Variants in COL25A1 observed in about 807,000 individuals in gnomAD.
COL25A1 encodes the protein collagen alpha-1(XXV) chain.
COL25A1 carries 103 observed loss-of-function variants against 128.4 expected under a neutral mutation model. The observed-to-expected ratio is 0.80, with a 90% CI of 0.68 to 0.94. The LOEUF (loss-of-function observed/expected upper bound fraction) is 0.94. Among genes scored for constraint, COL25A1 ranks in the 40% least tolerant of loss-of-function variants. The pLI, the probability that COL25A1 is intolerant of heterozygous loss-of-function variation, is 0.00. For missense variants in COL25A1, 745 were observed against 840.0 expected (o/e 0.89, Z 1.40); for synonymous variants, 279 against 277.2 (o/e 1.01, Z -0.06).
At chr4:108,967,389 A>G (rs759748757) in intron 8 of COL25A1, among the ~76,000 whole-genome samples, 4 of 152,252 alleles carry the variant, frequency 2.6e-5, no homozygotes, top group Non-Finnish European at 4.4e-5. Context: ...CTAGAAGCTG[A>G]GAAAGCCAGG....
intron 3 of COL25A1, among the ~76,000 whole-genome samples, chr4:109,140,274 T>C (rs1475541691): frequency 6.6e-6 from 1 of 152,220 alleles, no homozygotes; most frequent in African/African-American, 2.4e-5. Context: ...GCCTTTGTTC[T>C]GTTCCGCTGG....
chr4:109,160,797 ACT>A (rs776106761), intron 3 of COL25A1, among the ~76,000 whole-genome samples: 6 of 151,686 alleles, frequency 4.0e-5, no homozygotes, highest in Non-Finnish European at 8.8e-5. Flanking sequence ...ATCAGGATTC[ACT>A]CTTTTTTTAA....
chr4:109,220,095 T>C (rs551910675), intron 3 of COL25A1, among the ~76,000 whole-genome samples: 36 of 152,270 alleles, frequency 2.4e-4, no homozygotes, highest in African/African-American at 8.2e-4. Flanking sequence ...ACCAACTGCT[T>C]TGAGTTCTCA....
At chr4:109,285,710 TA>T (rs1190104084) in intron 3 of COL25A1, among the ~76,000 whole-genome samples, 1 of 152,192 alleles carries the variant, frequency 6.6e-6, no homozygotes, top group East Asian at 1.9e-4. Context: ...ACTTACTATT[TA>T]AAAATTACTC....
intron 8 of COL25A1, among the ~76,000 whole-genome samples, chr4:108,972,798 C>G (rs1235123833): frequency 2.6e-5 from 4 of 152,162 alleles, no homozygotes; most frequent in African/African-American, 9.7e-5. Context: ...CGAAGTAGTT[C>G]ATGAACTTTG....
chr4:108,950,550 G>A (rs1346157156), intron 8 of COL25A1, among the ~76,000 whole-genome samples: 1 of 152,130 alleles, frequency 6.6e-6, no homozygotes, highest in Non-Finnish European at 1.5e-5. Context: ...GAAAAACCCA[G>A]AAAATATATT....
At chr4:108,827,219 A>G in intron 32 of COL25A1, 31 bp from the exon 33 acceptor site, 1 of 1,581,244 alleles carries the variant, frequency 6.3e-7, no homozygotes, top group Non-Finnish European at 8.7e-7. Context: ...TTCAAATCAT[A>G]CACACCCACC....
chr4:109,255,575 C>G (rs1317293111), intron 3 of COL25A1, among the ~76,000 whole-genome samples: 1 of 152,158 alleles, frequency 6.6e-6, no homozygotes, highest in East Asian at 1.9e-4. Flanking sequence ...ACACCATCTC[C>G]CAAATGAGAA....
intron 3 of COL25A1, among the ~76,000 whole-genome samples, chr4:109,193,129 G>A (rs1332341607): frequency 6.6e-6 from 1 of 152,148 alleles, no homozygotes; most frequent in African/African-American, 2.4e-5. Context: ...ACAGATGTAA[G>A]CAATTTAGAA....
chr4:109,114,391 A>G (rs1767322736), intron 3 of COL25A1, among the ~76,000 whole-genome samples: 1 of 152,086 alleles, frequency 6.6e-6, no homozygotes, highest in Non-Finnish European at 1.5e-5. Flanking sequence ...GTATGAATGT[A>G]GGTGGACATT....
intron 3 of COL25A1, among the ~76,000 whole-genome samples, chr4:109,285,425 A>C (rs1723779484): frequency 6.6e-6 from 1 of 152,252 alleles, no homozygotes; most frequent in South Asian, 2.1e-4. Context: ...CCAGAATGTC[A>C]CCAAGGGAAT....
chr4:108,936,369 C>A (rs1372525628), intron 11 of COL25A1, among the ~76,000 whole-genome samples: 4 of 152,096 alleles, frequency 2.6e-5, no homozygotes, highest in Non-Finnish European at 5.9e-5. Flanking sequence ...GAGATCAAGA[C>A]CATCCTGGCC....
At chr4:109,078,177 C>T (rs1579295215) in intron 3 of COL25A1, among the ~76,000 whole-genome samples, 1 of 152,280 alleles carries the variant, frequency 6.6e-6, no homozygotes, top group East Asian at 1.9e-4. Flanking sequence ...CTCAAAACAA[C>T]ACTGGAATAA....
chr4:109,020,926 A>C (rs1334548770), intron 5 of COL25A1, among the ~76,000 whole-genome samples: 2 of 152,202 alleles, frequency 1.3e-5, no homozygotes, highest in Non-Finnish European at 2.9e-5. Flanking sequence ...ATGATGGTTC[A>C]GCTTACAACT....
chr4:108,886,486 G>GTT (rs1199944880), intron 18 of COL25A1, among the ~76,000 whole-genome samples: 6 of 79,936 alleles, frequency 7.5e-5, no homozygotes, highest in South Asian at 3.4e-4. Flanking sequence ...GTGTGTGTGT[G>GTT]TGTGTGTTTA....
intron 3 of COL25A1, among the ~76,000 whole-genome samples, chr4:109,102,148 C>T (rs1441347952): frequency 1.3e-5 from 2 of 152,080 alleles, no homozygotes; most frequent in African/African-American, 2.4e-5. Flanking sequence ...AAAACTCAAA[C>T]ATGTTTGAAA....
chr4:109,010,425 G>T (rs774885466), intron 5 of COL25A1, 50 bp from the exon 6 acceptor site: 1 of 1,367,642 alleles, frequency 7.3e-7, no homozygotes, highest in South Asian at 1.3e-5. Flanking sequence ...TATCCTAAGT[G>T]AATATTTTCA....
chr4:108,943,642 G>T (rs192764771), intron 8 of COL25A1, among the ~76,000 whole-genome samples: 1 of 152,156 alleles, frequency 6.6e-6, no homozygotes, highest in East Asian at 1.9e-4. Flanking sequence ...GCAGAAAAGC[G>T]GTTTTGAATT....
chr4:108,850,477 G>A (rs1467227072), intron 26 of COL25A1, among the ~76,000 whole-genome samples: 3 of 142,098 alleles, frequency 2.1e-5, no homozygotes, highest in Non-Finnish European at 3.1e-5. Flanking sequence ...GGTGGGTGGG[G>A]TAGGGATGAT....
Sources: gnomAD v4.1 joint callset for allele counts (sites outside exome capture counted in the v4.1 genomes callset) on GRCh38, gnomAD v4.1.1 for gene constraint, MANE v1.5 for transcripts, NCBI Gene and HGNC (gene_info 2026-07-23, HGNC 2026-07-21) for gene names.